The following TRAM2 variants were observed in gnomAD, a reference collection of about 807,000 sequenced individuals.
TRAM2 encodes the protein translocating chain-associated membrane protein 2.
A neutral mutation model predicts 51.0 loss-of-function variants in TRAM2; 12 were observed. That is an observed-to-expected ratio of 0.24 (90% confidence interval 0.15 to 0.38). The LOEUF (loss-of-function observed/expected upper bound fraction) is 0.38. Ranked by LOEUF, TRAM2 falls within the 10% of genes least tolerant of loss-of-function variation. TRAM2 has a pLI of 1.00. For missense variants in TRAM2, 361 were observed against 462.0 expected (o/e 0.78, Z 2.00); for synonymous variants, 175 against 179.4 (o/e 0.98, Z 0.20).
At chr6:52,516,968 A>G (rs982272124) in intron 2 of TRAM2, 4 of 532,790 alleles carry the variant, frequency 7.5e-6, no homozygotes, top group East Asian at 6.7e-5. Context: ...CTGTATTGTC[A>G]TAACAGTATC....
intron 1 of TRAM2, among the ~76,000 whole-genome samples, chr6:52,552,498 A>G (rs1378426357): frequency 2.0e-5 from 3 of 152,238 alleles, no homozygotes. Context: ...CTGACAGCTC[A>G]GCCACAAACC....
intron 1 of TRAM2, among the ~76,000 whole-genome samples, chr6:52,547,992 T>C (rs1216457671): frequency 6.6e-6 from 1 of 152,262 alleles, no homozygotes; most frequent in Admixed American, 6.5e-5. Context: ...AGAAGTATGG[T>C]GTGTTTGTGT....
chr6:52,561,491 T>TC (rs1268631633), intron 1 of TRAM2, among the ~76,000 whole-genome samples: 9 of 149,750 alleles, frequency 6.0e-5, no homozygotes, highest in Non-Finnish European at 1.0e-4. Context: ...CTTTTTCTTT[T>TC]TTTTTTTTTT....
chr6:52,504,776 G>T, intron 9 of TRAM2, 22 bp from the exon 10 acceptor site: 1 of 1,577,902 alleles, frequency 6.3e-7, no homozygotes, highest in Non-Finnish European at 8.6e-7. Flanking sequence ...GGGGTTAGGG[G>T]CTTAGGCTGG....
intron 2 of TRAM2, among the ~76,000 whole-genome samples, chr6:52,521,770 T>C (rs1056535014): frequency 1.3e-5 from 2 of 151,662 alleles, no homozygotes; most frequent in African/African-American, 4.8e-5. Flanking sequence ...AATAAATAAA[T>C]AAAAATCCTC....
chr6:52,558,468 G>A (rs1165410384), intron 1 of TRAM2, among the ~76,000 whole-genome samples: 1 of 152,222 alleles, frequency 6.6e-6, no homozygotes, highest in African/African-American at 2.4e-5. Flanking sequence ...GAAGAGTTCT[G>A]GAGATTGGTT....
intron 6 of TRAM2, among the ~76,000 whole-genome samples, chr6:52,507,894 G>C (rs916310600): frequency 6.6e-6 from 1 of 152,064 alleles, no homozygotes; most frequent in African/African-American, 2.4e-5. Flanking sequence ...TGGAGAAGAG[G>C]GCTCTTGGAA....
intron 2 of TRAM2, among the ~76,000 whole-genome samples, chr6:52,530,610 C>G (rs767251995): frequency 2.0e-5 from 3 of 152,132 alleles, no homozygotes; most frequent in Non-Finnish European, 4.4e-5. Context: ...CAGACTGACA[C>G]GCACACAGGG....
At chr6:52,528,219 T>C (rs1206916834) in intron 2 of TRAM2, among the ~76,000 whole-genome samples, 2 of 152,056 alleles carry the variant, frequency 1.3e-5, no homozygotes. Flanking sequence ...GGAGCACCAA[T>C]CAATTCTCTG....
At chr6:52,506,968 A>G (rs997191924) in intron 7 of TRAM2, among the ~76,000 whole-genome samples, 1 of 152,264 alleles carries the variant, frequency 6.6e-6, no homozygotes, top group Non-Finnish European at 1.5e-5. Flanking sequence ...TACTGCATGG[A>G]TAACACTCAG....
chr6:52,516,869 G>A (rs1219345294), intron 2 of TRAM2, 132 bp from the exon 3 acceptor site: 6 of 692,814 alleles, frequency 8.7e-6, no homozygotes, highest in African/African-American at 1.8e-5. Flanking sequence ...AGACTCAGAA[G>A]AAGGTTTCTG....
Position 52,576,800 on chromosome 6 carries a change from A to G in TRAM2, c.116T>C (p.Phe39Ser), listed in dbSNP as rs759570092. 6.2e-7 allele frequency: 1 copy of G among 1,613,268 alleles called. No homozygotes were observed. The highest frequency in any genetic ancestry group is 8.5e-7 in the Non-Finnish European group (1 of 1,179,534). The change falls in exon 1 of 11, where the codon TTC becomes TCC. Residue 39 changes from phenylalanine to serine, a missense_variant. By Grantham distance (155) the Phe-to-Ser change is radical (BLOSUM62 -2). Coordinates refer to ENST00000182527, the MANE Select transcript of TRAM2 (RefSeq NM_012288.4). The stretch of plus-strand genomic sequence containing the variant: ...CCCTCCTCCCCAGGCTCTCACCTCG[A>G]ACATAAGCCCGATGAGGACGCAGAG... ...LVLCVLIGLM[F>S]EVTAKTAFLF...
At chr6:52,568,679 G>A (rs565806707) in intron 1 of TRAM2, among the ~76,000 whole-genome samples, 4 of 152,264 alleles carry the variant, frequency 2.6e-5, no homozygotes, top group South Asian at 2.1e-4. Flanking sequence ...AGGTAGGTAC[G>A]TCCTTCTCCC....
At chr6:52,521,730 A>ATAAAT (rs1766679472) in intron 2 of TRAM2, among the ~76,000 whole-genome samples, 1 of 150,938 alleles carries the variant, frequency 6.6e-6, no homozygotes, top group Non-Finnish European at 1.5e-5. Context: ...ATAAAATAAA[A>ATAAAT]CAAAACAAAA....
intron 1 of TRAM2, among the ~76,000 whole-genome samples, chr6:52,555,059 T>A (rs1767380144): frequency 6.6e-6 from 1 of 152,228 alleles, no homozygotes; most frequent in South Asian, 2.1e-4. Flanking sequence ...TGCTTTTGTA[T>A]CCTTCTCTGA....
chr6:52,523,985 C>A (rs59304693), intron 2 of TRAM2: 1 of 152,288 alleles, frequency 6.6e-6, no homozygotes, highest in African/African-American at 2.4e-5. Flanking sequence ...TTTAACTACA[C>A]CTCCAGGTGA....
At chr6:52,515,537 G>A (rs148925148) in intron 4 of TRAM2, among the ~76,000 whole-genome samples, 138 of 152,328 alleles carry the variant, frequency 9.1e-4, no homozygotes, top group Non-Finnish European at 1.5e-3. Context: ...AGCTGGGCTT[G>A]GAACTCTATC....
At chr6:52,555,391 A>G (rs75541844) in intron 1 of TRAM2, among the ~76,000 whole-genome samples, 4,998 of 152,290 alleles carry the variant, frequency 0.033, 125 homozygotes, top group Non-Finnish European at 0.056. Flanking sequence ...CTGATCATCA[A>G]AATAATATGC....
At chr6:52,546,853 A>G (rs929360136) in intron 1 of TRAM2, among the ~76,000 whole-genome samples, 1 of 152,148 alleles carries the variant, frequency 6.6e-6, no homozygotes, top group Non-Finnish European at 1.5e-5. Flanking sequence ...TCAGGACTGA[A>G]ATGTGAGCAG....
Sources: gnomAD v4.1 joint callset for allele counts (sites outside exome capture counted in the v4.1 genomes callset) on GRCh38, gnomAD v4.1.1 for gene constraint, MANE v1.5 for transcripts, NCBI Gene and HGNC (gene_info 2026-07-23, HGNC 2026-07-21) for gene names.